The following NDST4 variants were observed in gnomAD, a reference collection of about 807,000 sequenced individuals.
NDST4 encodes N-heparan sulfate sulfotransferase 4.
NDST4 carries 63 observed loss-of-function variants against 100.8 expected under a neutral mutation model. The ratio of observed to expected loss-of-function variants is 0.62; its 90% confidence interval spans 0.51 to 0.77. The LOEUF (loss-of-function observed/expected upper bound fraction) is 0.77, where lower values mean the gene tolerates loss of function less well. Among genes scored for constraint, NDST4 ranks in the 30% least tolerant of loss-of-function variants. The probability of loss-of-function intolerance (pLI) is 0.00; values close to 1 mark genes in which losing one functional copy is unlikely to be tolerated. For missense variants in NDST4, 943 were observed against 1,018.4 expected, an observed-to-expected ratio of 0.93 and a Z score of 1.01; for synonymous variants, 377 against 361.8, an observed-to-expected ratio of 1.04 and a Z score of -0.48.
chr4:114,917,522 C>A (rs2126217627), intron 6 of NDST4, among the ~76,000 whole-genome samples: 1 of 152,190 alleles, frequency 6.6e-6, no homozygotes, highest in East Asian at 1.9e-4. Context: ...GACTTTCATG[C>A]ACCTACAGAG....
intron 10 of NDST4, among the ~76,000 whole-genome samples, chr4:114,843,680 C>T (rs1723480749): frequency 6.6e-6 from 1 of 152,132 alleles, no homozygotes; most frequent in African/African-American, 2.4e-5. Flanking sequence ...GTTGTCACGC[C>T]TCCATCTGGC....
At chr4:114,910,819 C>T (rs1227548793) in intron 6 of NDST4, among the ~76,000 whole-genome samples, 1 of 152,218 alleles carries the variant, frequency 6.6e-6, no homozygotes, top group East Asian at 1.9e-4. Context: ...CACTCACCTG[C>T]TCTTCAGGCT....
chr4:114,944,143 A>G (rs989896634), intron 4 of NDST4, among the ~76,000 whole-genome samples: 1 of 152,192 alleles, frequency 6.6e-6, no homozygotes, highest in African/African-American at 2.4e-5. Context: ...ACCCTGCTCT[A>G]TAATTTAGGG....
intron 2 of NDST4, among the ~76,000 whole-genome samples, chr4:114,983,595 C>T (rs1457772401): frequency 6.6e-6 from 1 of 152,166 alleles, no homozygotes; most frequent in African/African-American, 2.4e-5. Context: ...TTTGATTTTA[C>T]AGCCTCATAG....
chr4:114,846,046 C>T, intron 9 of NDST4, 49 bp from the exon 10 acceptor site: 2 of 1,383,628 alleles, frequency 1.4e-6, no homozygotes. Flanking sequence ...ATTTTTCTTG[C>T]CATATTCTGA....
intron 2 of NDST4, among the ~76,000 whole-genome samples, chr4:115,019,177 A>C (rs1727753429): frequency 6.6e-6 from 1 of 152,088 alleles, no homozygotes; most frequent in African/African-American, 2.4e-5. Flanking sequence ...ACATATTGTA[A>C]ACATGTTATG....
chr4:114,987,245 G>T (rs1468948608), intron 2 of NDST4, among the ~76,000 whole-genome samples: 1 of 152,124 alleles, frequency 6.6e-6, no homozygotes, highest in African/African-American at 2.4e-5. Context: ...GAGACAAGGA[G>T]TTTATAACAC....
At chr4:114,978,698 T>C (rs1288897551) in intron 2 of NDST4, among the ~76,000 whole-genome samples, 1 of 151,538 alleles carries the variant, frequency 6.6e-6, no homozygotes, top group African/African-American at 2.4e-5. Context: ...GAGTTCCCTT[T>C]TCTGGCTTTT....
At chr4:114,989,095 T>C (rs1337252314) in intron 2 of NDST4, among the ~76,000 whole-genome samples, 3 of 152,138 alleles carry the variant, frequency 2.0e-5, no homozygotes, top group African/African-American at 7.2e-5. Context: ...ATGATGCACA[T>C]TTATAACAAA....
intron 6 of NDST4, among the ~76,000 whole-genome samples, chr4:114,893,070 G>A (rs993818634): frequency 1.3e-5 from 2 of 151,926 alleles, no homozygotes; most frequent in African/African-American, 4.9e-5. Context: ...CAGAGGACAT[G>A]ATCTCATTCC....
At chr4:114,995,625 GA>G (rs1204310454) in intron 2 of NDST4, among the ~76,000 whole-genome samples, 1 of 151,974 alleles carries the variant, frequency 6.6e-6, no homozygotes, top group African/African-American at 2.4e-5. Flanking sequence ...ACTTCTGTGG[GA>G]ATTTTATTTG....
At chr4:114,886,397 T>C (rs1250941969) in intron 6 of NDST4, among the ~76,000 whole-genome samples, 1 of 152,136 alleles carries the variant, frequency 6.6e-6, no homozygotes. Context: ...TCCTTGAATT[T>C]ATTGAGGAAC....
chr4:114,897,950 G>A (rs1222503850), intron 6 of NDST4, among the ~76,000 whole-genome samples: 1 of 152,012 alleles, frequency 6.6e-6, no homozygotes, highest in Non-Finnish European at 1.5e-5. Context: ...TTTGTAATAG[G>A]TAACAGTCGT....
chr4:115,005,503 C>T (rs141662928), intron 2 of NDST4, among the ~76,000 whole-genome samples: 3 of 152,158 alleles, frequency 2.0e-5, no homozygotes, highest in African/African-American at 7.2e-5. Context: ...AGAGGAAGAA[C>T]TAGGAGGCCC....
chr4:114,844,846 A>T (rs1232054255), intron 10 of NDST4, among the ~76,000 whole-genome samples: 1 of 152,198 alleles, frequency 6.6e-6, no homozygotes, highest in East Asian at 1.9e-4. Flanking sequence ...ATCCTTTTGA[A>T]GTTTCCCTTA....
chr4:114,831,113 C>T (rs1217972430), intron 12 of NDST4, among the ~76,000 whole-genome samples: 2 of 150,092 alleles, frequency 1.3e-5, no homozygotes, highest in Non-Finnish European at 3.0e-5. Flanking sequence ...ACTGCAGTGG[C>T]GCAATCTCGG....
chr4:114,869,542 G>T (rs6836056), intron 7 of NDST4, among the ~76,000 whole-genome samples: 24,806 of 151,886 alleles, frequency 0.16, 3,262 homozygotes, highest in African/African-American at 0.37. Flanking sequence ...TGATATATGC[G>T]CATAATACTT....
At chr4:114,850,741 A>T (rs971910036) in intron 8 of NDST4, among the ~76,000 whole-genome samples, 1 of 152,162 alleles carries the variant, frequency 6.6e-6, no homozygotes, top group Non-Finnish European at 1.5e-5. Context: ...TGATCTTCTG[A>T]AAGATCTAAG....
At chr4:115,048,580 C>T (rs1452359349) in intron 2 of NDST4, among the ~76,000 whole-genome samples, 2 of 152,100 alleles carry the variant, frequency 1.3e-5, no homozygotes, top group Admixed American at 1.3e-4. Context: ...GCCACCGTGC[C>T]CGACCCACAT....
Sources: allele counts gnomAD v4.1 joint callset (sites outside exome capture counted in the v4.1 genomes callset), GRCh38; gene constraint gnomAD v4.1.1; transcripts MANE v1.5; gene names NCBI Gene and HGNC (gene_info 2026-07-23, HGNC 2026-07-21).